Variants in RBM4B observed in about 807,000 individuals in gnomAD.
RBM4B encodes the protein RNA binding motif protein 4B.
Under a neutral mutation model 28.5 loss-of-function variants are expected in RBM4B, and 13 were observed. That is an observed-to-expected ratio of 0.46 (90% CI 0.30 to 0.72). The LOEUF (loss-of-function observed/expected upper bound fraction) is 0.72, where lower values mean the gene tolerates loss of function less well. RBM4B is among the 30% of genes least tolerant of loss of function. The pLI, the probability that RBM4B is intolerant of heterozygous loss-of-function variation, is 0.09. For missense variants in RBM4B, 387 were observed against 477.6 expected (o/e 0.81, Z 1.77); for synonymous variants, 167 against 179.1 (o/e 0.93, Z 0.54).
intron 2 of RBM4B, among the ~76,000 whole-genome samples, chr11:66,670,452 A>G (rs556888251): frequency 2.6e-5 from 4 of 152,110 alleles, no homozygotes; most frequent in Non-Finnish European, 4.4e-5. Flanking sequence ...GAACCCACAC[A>G]AATGGGCCAC....
chr11:66,672,062 G>C (rs1275270535), intron 2 of RBM4B, among the ~76,000 whole-genome samples: 1 of 151,510 alleles, frequency 6.6e-6, no homozygotes, highest in Non-Finnish European at 1.5e-5. Context: ...TTTTAACCTA[G>C]AACTAAAAAA....
chr11:66,676,043 G>C (rs1273759206), intron 2 of RBM4B: 1 of 152,712 alleles, frequency 6.5e-6, no homozygotes, highest in African/African-American at 2.4e-5. Context: ...CATTGAGTCT[G>C]ATATATTTAG....
intron 2 of RBM4B, among the ~76,000 whole-genome samples, chr11:66,672,464 C>T (rs972200434): frequency 2.9e-5 from 4 of 139,772 alleles, no homozygotes; most frequent in African/African-American, 7.9e-5. Flanking sequence ...GTCCTTCCAA[C>T]GGTTATAATT....
intron 1 of RBM4B, 141 bp from the exon 2 acceptor site, chr11:66,677,232 G>A: frequency 1.8e-6 from 2 of 1,118,260 alleles, no homozygotes; most frequent in Middle Eastern, 2.5e-4. Context: ...CTCAATAGAA[G>A]AAGGGCGGTT....
intron 2 of RBM4B, chr11:66,675,999 A>G (rs189884109): frequency 6.5e-6 from 1 of 152,684 alleles, no homozygotes; most frequent in African/African-American, 2.4e-5. Context: ...CGATGCTTGT[A>G]CTGAAATTTC....
chr11:66,667,798 C>T (rs1404957394), intron 3 of RBM4B: 1 of 151,788 alleles, frequency 6.6e-6, no homozygotes, highest in Non-Finnish European at 1.5e-5. Context: ...CTTTTAACTC[C>T]TGGGCTCAAG....
chr11:66,677,371 A>T, intron 1 of RBM4B: 1 of 481,484 alleles, frequency 2.1e-6, no homozygotes. Context: ...TTCATGTCTT[A>T]AAATGAGGGA....
Position 66,670,006 on chromosome 11 carries a change from T to G in RBM4B, c.413-715A>C, listed in dbSNP as rs116945493. Among the ~76,000 whole-genome samples the G allele has an allele frequency of 4.2e-3, 638 of 152,322 alleles. 6 individuals are homozygous for G. The highest frequency in any genetic ancestry group is 0.039 in the East Asian group (201 of 5,196). On this transcript the variant is annotated intron_variant, in intron 2 of 3. Coordinates refer to ENST00000310046, the MANE Select transcript of RBM4B (RefSeq NM_031492.4). ...GTTAAGCCAGATTTGGACGGCATCT[T>G]GCCCATCTCTCACTGACTGACTAAG...
chr11:66,677,244 G>T, intron 1 of RBM4B, 153 bp from the exon 2 acceptor site: 1 of 1,001,478 alleles, frequency 1.0e-6, no homozygotes, highest in Non-Finnish European at 1.4e-6. Context: ...AGGGCGGTTT[G>T]TTCTCGAGAA....
chr11:66,670,615 C>T (rs183320143), intron 2 of RBM4B, among the ~76,000 whole-genome samples: 277 of 152,230 alleles, frequency 1.8e-3, no homozygotes, highest in Middle Eastern at 6.8e-3. Flanking sequence ...AAGGAGTATT[C>T]CTGGCATTAT....
intron 2 of RBM4B, among the ~76,000 whole-genome samples, chr11:66,674,891 G>A (rs929866444): frequency 2.6e-5 from 4 of 152,138 alleles, no homozygotes; most frequent in African/African-American, 9.7e-5. Flanking sequence ...TATTTAAAAG[G>A]TAAGGGCATT....
In RBM4B at chr11:66,668,674, G is replaced by T; in HGVS notation, c.1030C>A (p.Arg344=). The T allele has an allele frequency of 7.4e-6, 12 of 1,613,978 alleles. No homozygotes were observed. Among genetic ancestry groups the T allele is most frequent in the Non-Finnish European group, 1.0e-5 (12 of 1,179,908 alleles). Residue 344 remains arginine (R), a synonymous_variant, in exon 3 of 4, where the codon CGG becomes AGG. Coordinates refer to ENST00000310046, the MANE Select transcript of RBM4B (RefSeq NM_031492.4). ...TCCACATACTGCTCCCGTTCATACCGGGCCATGTCATACAGAGAATTCCGT... is the reference window on the plus strand; with the variant it reads ...TCCACATACTGCTCCCGTTCATACCTGGCCATGTCATACAGAGAATTCCGT... ...ATRNSLYDMA[R]YEREQYVDRA... is the part of the protein sequence containing the mutation.
chr11:66,674,083 C>T (rs1939554251), intron 2 of RBM4B, among the ~76,000 whole-genome samples: 1 of 151,634 alleles, frequency 6.6e-6, no homozygotes, highest in Non-Finnish European at 1.5e-5. Flanking sequence ...GGATCCACTG[C>T]ATTATTCAGA....
At chr11:66,674,318 G>A (rs1939571321) in intron 2 of RBM4B, among the ~76,000 whole-genome samples, 1 of 151,022 alleles carries the variant, frequency 6.6e-6, no homozygotes, top group South Asian at 2.1e-4. Context: ...CTGCCTCCTG[G>A]GTTCACGCTA....
At chr11:66,676,491 A>AG in intron 2 of RBM4B, 177 bp downstream of exon 2, 1 of 731,464 alleles carries the variant, frequency 1.4e-6, no homozygotes, top group Non-Finnish European at 2.2e-6. Flanking sequence ...AAACCTGAAA[A>AG]GGGGAAGTGT....
chr11:66,676,651 G>A lies in RBM4B; in HGVS notation c.412+17C>T, dbSNP rs1328640593. The A allele has an allele frequency of 1.2e-6, 2 of 1,613,038 alleles. No homozygotes were observed. Among genetic ancestry groups the A allele is most frequent in the Non-Finnish European group, 1.7e-6 (2 of 1,179,136 alleles). On this transcript the variant is annotated intron_variant, in intron 2 of 3. Coordinates refer to ENST00000310046, the MANE Select transcript of RBM4B (RefSeq NM_031492.4). ...AGACCCCACTCGGCGCTACTACCCAGGCCCAGAGCAGTTCACCTTGAAACT... is the reference window on the plus strand; with the variant it reads ...AGACCCCACTCGGCGCTACTACCCAAGCCCAGAGCAGTTCACCTTGAAACT...
intron 2 of RBM4B, among the ~76,000 whole-genome samples, chr11:66,673,386 T>C (rs776886844): frequency 2.0e-5 from 3 of 152,214 alleles, no homozygotes; most frequent in Non-Finnish European, 4.4e-5. Flanking sequence ...TTAGAAGTCA[T>C]ACAATGCAAA....
chr11:66,670,522 T>A (rs771924111), intron 2 of RBM4B, among the ~76,000 whole-genome samples: 18 of 152,024 alleles, frequency 1.2e-4, no homozygotes, highest in Non-Finnish European at 2.2e-4. Flanking sequence ...AAGAAAACAA[T>A]CTTTGCCCAG....
In RBM4B at chr11:66,668,967, T is replaced by C. The variant is rs1358052332; in HGVS notation, c.737A>G (p.Gln246Arg). The C allele has an allele frequency of 6.2e-7, 1 of 1,614,224 alleles. No homozygotes were observed. The highest frequency in any genetic ancestry group is 8.5e-7 in the Non-Finnish European group (1 of 1,180,030). Reference sequence around the variant, plus strand: ...GACTTGAGGCAGATGGGACATGGTCTGCTCTGCGTAGTTGTATGCAGAAGC... The same window carrying C: ...GACTTGAGGCAGATGGGACATGGTCCGCTCTGCGTAGTTGTATGCAGAAGC... ...AAASAYNYAE[Q>R]TMSHLPQVQS... is the part of the protein sequence containing the mutation. Residue 246 changes from glutamine (Q) to arginine (R), a missense_variant, in exon 3 of 4, where the codon CAG becomes CGG. Around this residue, in one of 2 missense-constraint regions of RBM4B, gnomAD observed 226 missense variants for 220.6 expected, o/e 1.02. Transcript: ENST00000310046.
Sources: gnomAD v4.1 joint callset for allele counts (sites outside exome capture counted in the v4.1 genomes callset) on GRCh38, gnomAD v4.1.1 for gene constraint, gnomAD v4.1.1 regional missense constraint, MANE v1.5 for transcripts, NCBI Gene and HGNC (gene_info 2026-07-23, HGNC 2026-07-21) for gene names.